Variants in CCDC14 observed in about 807,000 individuals in gnomAD.
CCDC14 encodes the protein coiled-coil domain containing 14, also known as coiled-coil domain-containing protein 14.
CCDC14 carries 71 observed loss-of-function variants against 81.4 expected under a neutral mutation model. That is an observed-to-expected ratio of 0.87 (90% CI 0.72 to 1.06). The LOEUF (loss-of-function observed/expected upper bound fraction) is 1.06, where lower values mean the gene tolerates loss of function less well. Ranked by LOEUF, CCDC14 falls within the 50% of genes least tolerant of loss-of-function variation. CCDC14 has a pLI of 0.00. For missense variants in CCDC14, 1,046 were observed against 1,047.3 expected (o/e 1.00, Z 0.02); for synonymous variants, 332 against 364.8 (o/e 0.91, Z 1.03).
At chr3:123,905,485 T>C (rs1423432243) in intron 5 of CCDC14, among the ~76,000 whole-genome samples, 1 of 152,112 alleles carries the variant, frequency 6.6e-6, no homozygotes, top group Non-Finnish European at 1.5e-5. Context: ...TCTTGACTCC[T>C]GAGCAGGCCT....
intron 3 of CCDC14, 101 bp downstream of exon 3, chr3:123,956,254 T>G: frequency 8.1e-7 from 1 of 1,236,260 alleles, no homozygotes. Context: ...ACAGACTTCA[T>G]ACTTCCTTAG....
chr3:123,885,666 G>T, the CCDC14 span, among the ~76,000 whole-genome samples: 1 of 152,148 alleles, frequency 6.6e-6, no homozygotes, highest in South Asian at 2.1e-4. Context: ...TCCTCAGACT[G>T]AAGTTTGATG....
intron 1 of CCDC14, chr3:123,958,600 TAG>T (rs1255055569): frequency 3.3e-5 from 5 of 152,078 alleles, no homozygotes; most frequent in Non-Finnish European, 7.4e-5. Context: ...CCTGAACCAT[TAG>T]AGTTAAGTTT....
At chr3:123,930,778 A>G (rs2035651755) in intron 12 of CCDC14, 1 of 207,928 alleles carries the variant, frequency 4.8e-6, no homozygotes, top group African/African-American at 2.3e-5. Context: ...TTACTCAGCT[A>G]ATATGTGGCA....
In CCDC14 at chr3:123,936,241, C is replaced by CA. The variant is rs200414370; in HGVS notation, c.1344-2487dup. On this transcript the variant is annotated intron_variant, in intron 9 of 12. Transcript: ENST00000409697. ...TATTTAAAATGATACATGATAAAAA[C>CA]AGAAAAAAGGATATTTTAAAAATTG... is the stretch of plus-strand genomic sequence containing the variant. 6.0e-3 allele frequency among the ~76,000 whole-genome samples: 918 copies of CA among 151,908 alleles called. 19 individuals carry two copies. Among genetic ancestry groups the CA allele is most frequent in the East Asian group, 0.047 (242 of 5,184 alleles).
At chr3:123,909,253 T>C (rs950687491), downstream of CCDC14, among the ~76,000 whole-genome samples, 3 of 152,196 alleles carry the variant, frequency 2.0e-5, no homozygotes, top group African/African-American at 7.2e-5. Context: ...TTTCTTGTTA[T>C]AGATTTGAAC....
At chr3:123,942,293 A>G (rs2036389460) in intron 9 of CCDC14, among the ~76,000 whole-genome samples, 1 of 152,094 alleles carries the variant, frequency 6.6e-6, no homozygotes, top group Admixed American at 6.6e-5. Context: ...GGTGACACAT[A>G]TCGAGGACAA....
Position 123,955,920 on chromosome 3 carries a change from A to C in CCDC14, c.275T>G (p.Leu92Ter). 6.5e-7 allele frequency: 1 copy of C among 1,535,576 alleles called. No individual in the cohort carries two copies. Among genetic ancestry groups the C allele is most frequent in the Non-Finnish European group, 8.8e-7 (1 of 1,136,692 alleles). Residue 92 changes from leucine (L) to a stop codon, truncating the protein, a stop_gained, in exon 5 of 13, where the codon TTA (leucine) becomes TGA (stop). Transcript: ENST00000409697. LOFTEE classifies it high-confidence loss of function. ...YLENRSNSRP[L>*]ESKRYGSKKK... The stretch of plus-strand genomic sequence containing the variant: ...TTTTGATCCGTATCTTTTGCTTTCT[A>C]AAGGTCTAGAATTAGATCTGTTTTC...
intron 1 of CCDC14, among the ~76,000 whole-genome samples, chr3:123,960,552 A>G (rs1409454251): frequency 1.3e-5 from 2 of 152,204 alleles, no homozygotes; most frequent in East Asian, 1.9e-4. Context: ...CTATTAAATG[A>G]GTTATTCTAT....
At chr3:123,953,865 G>C (rs1006439860) in intron 5 of CCDC14, 1 of 152,116 alleles carries the variant, frequency 6.6e-6, no homozygotes, top group East Asian at 1.9e-4. Context: ...CAGCTCTGCT[G>C]CTCTGCTGCT....
rs541370170 is a variant in CCDC14 at position 123,961,186 on chromosome 3, C to G, written c.-13G>C. 6 of 1,551,662 alleles carry G rather than the reference C, an allele frequency of 3.9e-6. No homozygotes were observed. In the Admixed American group the frequency reaches 1.2e-4, roughly 30 times the overall value. ...CAGACCTGACCATCTCTCGCCGCCT[C>G]AGAGAAGCCCAGACCGAGGGAAGTG... is the stretch of plus-strand genomic sequence containing the variant. On this transcript the variant is annotated 5_prime_UTR_variant, in exon 1 of 13. Transcript: ENST00000409697.
rs1018342080 is a variant in CCDC14 at position 123,913,488 on chromosome 3, C to A, written c.*1291G>T. 33 of 980,622 alleles carry A rather than the reference C, an allele frequency of 3.4e-5. No homozygotes were observed. Among genetic ancestry groups the A allele is most frequent in the South Asian group, 4.7e-5 (1 of 21,176 alleles). The allele number at this position is 980,622 out of a possible 1,614,324, so 60.7% of individuals were successfully genotyped here. A position where few individuals can be genotyped will look rare whatever the true frequency, so the allele number is the denominator to read the frequency against. ...GTTAAAGAGTTGTGGCCTATTACCT[C>A]CAAATAAGATGCCAATAAATTAATT... On this transcript the variant is annotated 3_prime_UTR_variant, in exon 13 of 13. Transcript: ENST00000409697.
chr3:123,889,893 G>A, the CCDC14 span, among the ~76,000 whole-genome samples: 1 of 152,150 alleles, frequency 6.6e-6, no homozygotes, highest in African/African-American at 2.4e-5. Flanking sequence ...TGAAATCTAG[G>A]TGGAGGTTCA....
chr3:123,958,207 G>T (rs1352590081), intron 1 of CCDC14: 1 of 151,932 alleles, frequency 6.6e-6, no homozygotes, highest in Non-Finnish European at 1.5e-5. Flanking sequence ...TATTTATGTC[G>T]ATGTCTTGGC....
At chr3:123,949,302 G>A (rs1213556307) in intron 5 of CCDC14, 170 bp from the exon 6 acceptor site, 1 of 577,404 alleles carries the variant, frequency 1.7e-6, no homozygotes, top group African/African-American at 1.9e-5. Flanking sequence ...AATTCTTTCT[G>A]AAAGTAATTA....
intron 12 of CCDC14, among the ~76,000 whole-genome samples, chr3:123,929,763 C>G (rs2035593682): frequency 6.6e-6 from 1 of 152,162 alleles, no homozygotes; most frequent in African/African-American, 2.4e-5. Context: ...ATTCTACACC[C>G]CTGGGTTCCT....
rs143107061 is a variant in CCDC14, at chr3:123,947,293, C to T, written c.711G>A (p.Gln237=). The change falls in exon 8 of 13, where the codon CAG becomes CAA. Residue 237 remains glutamine (Q), a synonymous_variant. Transcript: ENST00000409697. ...HSEVQTDGNS[Q]FASQGKTVSA... ...AAACTGTTTTACCTTGTGATGCAAA[C>T]TGACTGTTGCCATCAGTTTGAACTT... 2,452 of 1,610,894 alleles carry T rather than the reference C, an allele frequency of 1.5e-3. 4 individuals carry two copies. Among genetic ancestry groups the T allele is most frequent in the South Asian group, 4.1e-3 (371 of 90,872 alleles).
intron 9 of CCDC14, among the ~76,000 whole-genome samples, chr3:123,942,884 T>A (rs901349855): frequency 9.2e-5 from 14 of 151,988 alleles, no homozygotes. Flanking sequence ...CTAAACAAAT[T>A]AAGAATGTAA....
rs755866458 is a variant in CCDC14 at position 123,915,384 on chromosome 3, G to A, written c.2113C>T (p.Leu705Phe). The change falls in exon 13 of 13, where the codon CTT (leucine) becomes TTT (phenylalanine). Residue 705 changes from leucine to phenylalanine, a missense_variant. Coordinates refer to ENST00000409697, the MANE Select transcript of CCDC14 (RefSeq NM_001366335.1). ...CCTTCATCAGAATCCTGTTTTGAAA[G>A]GGCAGAAATAATTCCAGGTGCAGAT... ...EASAPGIISALSKQDSDEGSE... is the reference protein window; with the variant it reads ...EASAPGIISAFSKQDSDEGSE... The A allele has an allele frequency of 2.5e-6, 4 of 1,613,464 alleles. No individual in the cohort carries two copies. The highest frequency in any genetic ancestry group is 1.7e-5 in the Admixed American group (1 of 59,950).
Sources: allele counts gnomAD v4.1 joint callset (sites outside exome capture counted in the v4.1 genomes callset), GRCh38; gene constraint gnomAD v4.1.1; transcripts MANE v1.5; gene names NCBI Gene and HGNC (gene_info 2026-07-23, HGNC 2026-07-21).